The following KIF1C variants were observed in gnomAD, a reference collection of about 807,000 sequenced individuals.
KIF1C encodes kinesin family member 1C.
Under a neutral mutation model 126.5 loss-of-function variants are expected in KIF1C, and 61 were observed. The ratio of observed to expected loss-of-function variants is 0.48; its 90% CI spans 0.39 to 0.60. KIF1C has a LOEUF of 0.60. KIF1C is among the 20% of genes least tolerant of loss of function. KIF1C has a pLI of 0.00. For missense variants in KIF1C, 1,315 were observed against 1,489.2 expected (o/e 0.88, Z 1.93); for synonymous variants, 640 against 580.6 (o/e 1.10, Z -1.47).
chr17:5,028,122 G>T lies in KIF1C; in HGVS notation c.*3971G>T, dbSNP rs1975239770. Reference sequence around the variant, plus strand: ...TCCTGTGAGTGACAGCAGCTATTTCGTGGGCCTCCTCTGGAATCATGAGAA... The same window carrying T: ...TCCTGTGAGTGACAGCAGCTATTTCTTGGGCCTCCTCTGGAATCATGAGAA... On this transcript the variant is annotated 3_prime_UTR_variant, in exon 23 of 23. Transcript: ENST00000320785. The T allele has an allele frequency of 6.6e-6, 1 of 151,996 alleles. No homozygotes were observed. The highest frequency in any genetic ancestry group is 2.4e-5 in the African/African-American group (1 of 41,368). 9.4% of individuals were successfully genotyped at this position (151,996 alleles called of 1,614,324 possible). A position where few individuals can be genotyped will look rare whatever the true frequency, so the allele number is the denominator to read the frequency against.
chr17:5,002,030 T>G, intron 5 of KIF1C, 29 bp from the exon 6 acceptor site: 1 of 1,606,546 alleles, frequency 6.2e-7, no homozygotes, highest in South Asian at 1.1e-5. Flanking sequence ...AACAGGAGCT[T>G]CTCTGTATTT....
At position 5,023,367 on chromosome 17, in the gene KIF1C, C is replaced by A; in HGVS notation, c.2629-101C>A. ...CCTTATCTCTAGGCTTTTCTCTGGA[C>A]CCTTTGACATCCAGCCACTCCAGGT... is the stretch of plus-strand genomic sequence containing the variant. On this transcript the variant is annotated intron_variant, in intron 22 of 22. Coordinates refer to ENST00000320785, the MANE Select transcript of KIF1C (RefSeq NM_006612.6). The surrounding 1 kb of genome is among the most constrained non-coding windows in gnomAD (Gnocchi z 4.2). 2.0e-6 allele frequency: 2 copies of A among 976,952 alleles called. No homozygotes were observed. Among genetic ancestry groups the A allele is most frequent in the Non-Finnish European group, 1.5e-6 (1 of 646,862 alleles). 60.5% of individuals were successfully genotyped at this position (976,952 alleles called of 1,614,324 possible). A position where few individuals can be genotyped will look rare whatever the true frequency, so the allele number is the denominator to read the frequency against.
At position 5,022,367 on chromosome 17, in the gene KIF1C, T is replaced by A; in HGVS notation, c.2286T>A (p.Ala762=). 1 of 1,586,568 alleles carries A rather than the reference T, an allele frequency of 6.3e-7. No homozygotes were observed. Residue 762 remains alanine (A), a synonymous_variant, in exon 22 of 23, where the codon GCT becomes GCA. Transcript: ENST00000320785. The surrounding 1 kb of genome is among the most constrained non-coding windows in gnomAD (Gnocchi z 4.9). The part of the protein sequence containing the change: ...VKEICYEVAL[A]DFRHGRAEIE... ...AGATCTGCTACGAGGTGGCCCTGGC[T>A]GACTTCCGCCACGGGCGGGCTGAGA...
intron 15 of KIF1C, 50 bp downstream of exon 15, chr17:5,007,392 G>A (rs1468405831): frequency 6.2e-7 from 1 of 1,609,378 alleles, no homozygotes; most frequent in African/African-American, 1.3e-5. Flanking sequence ...GGCCATGGGG[G>A]AGGTCAGGCC....
Position 5,022,401 on chromosome 17 carries a change from C to G in KIF1C, c.2320C>G (p.Leu774Val), listed in dbSNP as rs780757171. 6.3e-7 allele frequency: 1 copy of G among 1,579,086 alleles called. No individual in the cohort carries two copies. Among genetic ancestry groups the G allele is most frequent in the Non-Finnish European group, 8.6e-7 (1 of 1,161,374 alleles). ...FRHGRAEIEA[L>V]AALKMRELCR... ...CCACGGGCGGGCTGAGATTGAGGCC[C>G]TGGCCGCCCTCAAGATGCGGGAGCT... is the stretch of plus-strand genomic sequence containing the variant. Residue 774 changes from leucine (L) to valine (V), a missense_variant, in exon 22 of 23, where the codon CTG (leucine) becomes GTG (valine). Leu to Val is a conservative substitution (Grantham distance 32, BLOSUM62 1). Around this residue, in one of 2 missense-constraint regions of KIF1C, gnomAD observed 874 missense variants for 1,053.2 expected, o/e 0.83. Coordinates refer to ENST00000320785, the MANE Select transcript of KIF1C (RefSeq NM_006612.6). The surrounding 1 kb of genome is among the most constrained non-coding windows in gnomAD (Gnocchi z 4.9).
chr17:5,022,734 TCTCTC>T lies in KIF1C; in HGVS notation c.2628+29_2628+33del. 2 of 1,498,684 alleles carry T rather than the reference TCTCTC, an allele frequency of 1.3e-6. No homozygotes were observed. The highest frequency in any genetic ancestry group is 1.8e-6 in the Non-Finnish European group (2 of 1,128,712). The allele number at this position is 1,498,684 out of a possible 1,614,324, so 92.8% of individuals were successfully genotyped here. ...GGTAGGACTGGCCTTCTGCCTCCCT[TCTCTC>T]CTCCCTCGGCTCTTCACTTTAGGAG... is the stretch of plus-strand genomic sequence containing the variant. On this transcript the variant is annotated intron_variant, in intron 22 of 22. Coordinates refer to ENST00000320785, the MANE Select transcript of KIF1C (RefSeq NM_006612.6). The surrounding 1 kb of genome is among the most constrained non-coding windows in gnomAD (Gnocchi z 4.9).
rs1265717984 is a variant in KIF1C at position 5,027,326 on chromosome 17, C to T, written c.*3175C>T. ...TGTATCTTTAGTAGAGACAGGGTTT[C>T]ACTATGTTGTCCAAGCTGGTTTCGA... On this transcript the variant is annotated 3_prime_UTR_variant, in exon 23 of 23. Coordinates refer to ENST00000320785, the MANE Select transcript of KIF1C (RefSeq NM_006612.6). The T allele has an allele frequency of 6.6e-6, 1 of 152,222 alleles. No homozygotes were observed. The highest frequency in any genetic ancestry group is 2.4e-5 in the African/African-American group (1 of 41,458). The allele number at this position is 152,222 out of a possible 1,614,324, so 9.4% of individuals were successfully genotyped here.
Position 5,023,877 on chromosome 17 carries a change from C to A in KIF1C, c.3038C>A (p.Pro1013Gln). The change falls in exon 23 of 23, where the codon CCA becomes CAA. Residue 1013 changes from proline (P) to glutamine (Q), a missense_variant. Transcript: ENST00000320785. The surrounding 1 kb of genome is among the most constrained non-coding windows in gnomAD (Gnocchi z 4.2). Reference sequence around the variant, plus strand: ...CCCCCTGAGGAGGTCACTCCCCATCCAGCCACCCCTGCCCGCCGGCCTCCG... The same window carrying A: ...CCCCCTGAGGAGGTCACTCCCCATCAAGCCACCCCTGCCCGCCGGCCTCCG... ...LQPPEEVTPH[P>Q]ATPARRPPSP... 6.5e-7 allele frequency: 1 copy of A among 1,532,634 alleles called. No individual in the cohort carries two copies. Among genetic ancestry groups the A allele is most frequent in the Non-Finnish European group, 8.8e-7 (1 of 1,139,210 alleles). 94.9% of individuals were successfully genotyped at this position (1,532,634 alleles called of 1,614,324 possible).
At chr17:4,998,666 C>T (rs1974467095) in intron 1 of KIF1C, among the ~76,000 whole-genome samples, 1 of 152,242 alleles carries the variant, frequency 6.6e-6, no homozygotes, top group Admixed American at 6.5e-5. Context: ...CTTCCTGAGC[C>T]AGCTTCTGTG....
Position 5,024,494 on chromosome 17 carries a change from T to G in KIF1C, c.*343T>G, listed in dbSNP as rs1975171582. The G allele has an allele frequency of 3.9e-6, 1 of 253,824 alleles. No homozygotes were observed. The highest frequency in any genetic ancestry group is 7.6e-6 in the Non-Finnish European group (1 of 132,410). 15.7% of individuals were successfully genotyped at this position (253,824 alleles called of 1,614,324 possible). On this transcript the variant is annotated 3_prime_UTR_variant, in exon 23 of 23. Transcript: ENST00000320785. ...GACTTTCTTTTCAAGTGGGGGAAAG[T>G]GGGAGAGGACTGAGAGTGAGGCAAG...
rs1459844152 is a variant in KIF1C, at chr17:5,000,856, G to T, written c.183+8G>T. On this transcript the variant is annotated splice_region_variant and intron_variant, in intron 4 of 22. Transcript: ENST00000320785. ...TACTGGTCACACACTTCGGTGGGTT[G>T]TTGGGCTGGGGGAAGAGCAAGGCAG... The T allele has an allele frequency of 1.9e-6, 3 of 1,613,592 alleles. No individual in the cohort carries two copies.
chr17:5,000,457 CAG>C, intron 3 of KIF1C, 105 bp downstream of exon 3: 3 of 813,680 alleles, frequency 3.7e-6, no homozygotes, highest in Middle Eastern at 3.5e-4. Context: ...ATGCTGGGCA[CAG>C]AGCAGGTGCT....
At chr17:5,021,031 T>C (rs977766651) in intron 21 of KIF1C, among the ~76,000 whole-genome samples, 153 bp downstream of exon 21, 2 of 152,080 alleles carry the variant, frequency 1.3e-5, no homozygotes, top group Non-Finnish European at 2.9e-5. Flanking sequence ...GAGATGTGAC[T>C]ACAGGAAGAA....
intron 11 of KIF1C, 61 bp downstream of exon 11, chr17:5,004,134 A>C (rs1490440841): frequency 8.6e-7 from 1 of 1,156,156 alleles, no homozygotes; most frequent in African/African-American, 1.5e-5. Context: ...CTTTTGATAC[A>C]TCTGACAAAT....
intron 8 of KIF1C, among the ~76,000 whole-genome samples, 183 bp from the exon 9 acceptor site, chr17:5,003,429 T>C (rs1974651539): frequency 1.3e-5 from 2 of 152,094 alleles, no homozygotes; most frequent in African/African-American, 4.8e-5. Context: ...CTATTTGTAA[T>C]TGAGTGAGTA....
chr17:5,028,042 A>C lies in KIF1C; in HGVS notation c.*3891A>C, dbSNP rs1198364904. ...CCTTCTCCTCAAATTCAATCTTCCC[A>C]GGCATTTCATGAACTTGCGTCTAGT... On this transcript the variant is annotated 3_prime_UTR_variant, in exon 23 of 23. Coordinates refer to ENST00000320785, the MANE Select transcript of KIF1C (RefSeq NM_006612.6). 6.6e-6 allele frequency: 1 copy of C among 152,104 alleles called. No homozygotes were observed. Among genetic ancestry groups the C allele is most frequent in the African/African-American group, 2.4e-5 (1 of 41,422 alleles). The allele number at this position is 152,104 out of a possible 1,614,324, so 9.4% of individuals were successfully genotyped here.
rs145524961 is a variant in KIF1C at position 5,009,341 on chromosome 17, G to A, written c.1491+1799G>A. On this transcript the variant is annotated intron_variant, in intron 16 of 22. Transcript: ENST00000320785. ...ATTACAGGCGCACACCATCACACCC[G>A]GCTAATATTTTGTATTTTTAGTAGA... Among the ~76,000 whole-genome samples the A allele has an allele frequency of 3.2e-3, 484 of 151,864 alleles. 3 individuals are homozygous for A. Among genetic ancestry groups the A allele is most frequent in the African/African-American group, 0.011 (444 of 41,474 alleles).
rs1034816618 is a variant in KIF1C at position 5,025,666 on chromosome 17, A to T, written c.*1515A>T. The T allele has an allele frequency of 6.6e-6, 1 of 152,160 alleles. No individual in the cohort carries two copies. Among genetic ancestry groups the T allele is most frequent in the Non-Finnish European group, 1.5e-5 (1 of 68,046 alleles). The allele number at this position is 152,160 out of a possible 1,614,324, so 9.4% of individuals were successfully genotyped here. On this transcript the variant is annotated 3_prime_UTR_variant, in exon 23 of 23. Transcript: ENST00000320785. ...CCATCTCTACTAAAAATAAAAATAA[A>T]AAAATTAGCCGGGCATGGTGGCGGG...
Position 5,023,435 on chromosome 17 carries a change from A to T in KIF1C, c.2629-33A>T, listed in dbSNP as rs201718741. ...GTCCTGAGGATTCAGCTCTCCTCAC[A>T]TCCCTTCTCCTTTTCTCACTCCTCC... On this transcript the variant is annotated intron_variant, in intron 22 of 22. Coordinates refer to ENST00000320785, the MANE Select transcript of KIF1C (RefSeq NM_006612.6). This position sits in a 1 kb window ranked among gnomAD's most constrained non-coding sequence, Gnocchi z 4.2. 39 of 1,583,164 alleles carry T rather than the reference A, an allele frequency of 2.5e-5. No homozygotes were observed. The highest frequency in any genetic ancestry group is 3.3e-5 in the Non-Finnish European group (38 of 1,154,974).
Sources: gnomAD v4.1 joint callset for allele counts (sites outside exome capture counted in the v4.1 genomes callset) on GRCh38, gnomAD v4.1.1 for gene constraint, gnomAD v4.1.1 regional missense constraint, Gnocchi (gnomAD v3.1) non-coding constraint, MANE v1.5 for transcripts, NCBI Gene and HGNC (gene_info 2026-07-23, HGNC 2026-07-21) for gene names.